DCDC2: variants seen among roughly 807,000 people sequenced by gnomAD.
DCDC2 encodes doublecortin domain containing 2.
In DCDC2, 40 loss-of-function variants were observed where a neutral mutation model predicts 50.2. That is an observed-to-expected ratio of 0.80 (90% confidence interval 0.62 to 1.04). The LOEUF (loss-of-function observed/expected upper bound fraction) is 1.04, where lower values mean the gene tolerates loss of function less well. Among genes scored for constraint, DCDC2 ranks in the 50% least tolerant of loss-of-function variants. The probability of loss-of-function intolerance (pLI) is 0.00; values close to 1 mark genes in which losing one functional copy is unlikely to be tolerated. For missense variants in DCDC2, 570 were observed against 581.9 expected (o/e 0.98, Z 0.21); for synonymous variants, 234 against 210.6 (o/e 1.11, Z -0.96).
intron 7 of DCDC2, among the ~76,000 whole-genome samples, chr6:24,210,956 T>C (rs1330332630): frequency 6.6e-6 from 1 of 152,174 alleles, no homozygotes; most frequent in African/African-American, 2.4e-5. Flanking sequence ...CTTCACAGAG[T>C]CTCTGCCTAA....
At chr6:24,287,677 G>C (rs972645717) in intron 6 of DCDC2, among the ~76,000 whole-genome samples, 1 of 152,194 alleles carries the variant, frequency 6.6e-6, no homozygotes, top group African/African-American at 2.4e-5. Context: ...CCTTGGATCT[G>C]AAGGTCCTCT....
At chr6:24,194,669 C>G (rs912970801) in intron 8 of DCDC2, among the ~76,000 whole-genome samples, 18 of 152,154 alleles carry the variant, frequency 1.2e-4, no homozygotes, top group African/African-American at 3.6e-4. Context: ...TGGAAAAGCA[C>G]CATCATATAA....
At chr6:24,219,549 G>C (rs148003275) in intron 7 of DCDC2, among the ~76,000 whole-genome samples, 1 of 152,274 alleles carries the variant, frequency 6.6e-6, no homozygotes, top group African/African-American at 2.4e-5. Flanking sequence ...TCAGTTTAAC[G>C]GGGTGCAACT....
At chr6:24,264,565 C>T (rs1012797930) in intron 7 of DCDC2, among the ~76,000 whole-genome samples, 1 of 151,642 alleles carries the variant, frequency 6.6e-6, no homozygotes, top group Non-Finnish European at 1.5e-5. Context: ...TTAAAATAAT[C>T]GGTTTTATAA....
intron 7 of DCDC2, among the ~76,000 whole-genome samples, chr6:24,209,920 A>T (rs1303422907): frequency 6.6e-6 from 1 of 152,124 alleles, no homozygotes; most frequent in Non-Finnish European, 1.5e-5. Context: ...ACAGCACCCC[A>T]GAGAGATTAT....
At chr6:24,187,723 G>A (rs1761236058) in intron 8 of DCDC2, among the ~76,000 whole-genome samples, 1 of 152,106 alleles carries the variant, frequency 6.6e-6, no homozygotes, top group Non-Finnish European at 1.5e-5. Context: ...ACACAAATGT[G>A]CCTCCCACAG....
intron 8 of DCDC2, among the ~76,000 whole-genome samples, chr6:24,202,102 A>G (rs1002911647): frequency 4.6e-5 from 7 of 152,164 alleles, no homozygotes; most frequent in Non-Finnish European, 1.0e-4. Flanking sequence ...TCCAAACAAT[A>G]GAAAAAGAAG....
At chr6:24,222,763 G>T (rs887359858) in intron 7 of DCDC2, among the ~76,000 whole-genome samples, 1 of 152,070 alleles carries the variant, frequency 6.6e-6, no homozygotes, top group Non-Finnish European at 1.5e-5. Flanking sequence ...TATAACAATA[G>T]CATATCCATA....
At chr6:24,319,774 T>C (rs1480594586) in intron 2 of DCDC2, among the ~76,000 whole-genome samples, 1 of 152,046 alleles carries the variant, frequency 6.6e-6, no homozygotes, top group Non-Finnish European at 1.5e-5. Context: ...CTACAGAGAA[T>C]GGACAGGAAA....
upstream of DCDC2, among the ~76,000 whole-genome samples, chr6:24,361,188 C>T (rs1760659411): frequency 1.3e-5 from 2 of 152,158 alleles, no homozygotes; most frequent in South Asian, 2.1e-4. Context: ...ACCAAATACC[C>T]GCATGTTCTC....
upstream of DCDC2, among the ~76,000 whole-genome samples, chr6:24,359,139 A>ATTT: frequency 5.6e-5 from 4 of 71,784 alleles, no homozygotes; most frequent in African/African-American, 2.5e-4. Flanking sequence ...TATTTTATAT[A>ATTT]TATTATATAT....
At chr6:24,291,260 T>G (rs1763738104) in intron 4 of DCDC2, among the ~76,000 whole-genome samples, 182 bp from the exon 5 acceptor site, 2 of 152,202 alleles carry the variant, frequency 1.3e-5, no homozygotes, top group African/African-American at 4.8e-5. Context: ...CTCAAAGTTA[T>G]CAGATTCCAC....
intron 7 of DCDC2, among the ~76,000 whole-genome samples, chr6:24,206,121 G>C (rs1761713982): frequency 6.6e-6 from 1 of 152,110 alleles, no homozygotes; most frequent in African/African-American, 2.4e-5. Context: ...TATTGCTAAA[G>C]CTATGAAGTC....
intron 7 of DCDC2, among the ~76,000 whole-genome samples, chr6:24,215,579 G>C (rs1203962839): frequency 6.6e-6 from 1 of 152,146 alleles, no homozygotes; most frequent in East Asian, 1.9e-4. Context: ...AGTGAGACCA[G>C]GCAAGACTGT....
chr6:24,229,127 A>T (rs1303046857), intron 7 of DCDC2, among the ~76,000 whole-genome samples: 1 of 152,186 alleles, frequency 6.6e-6, no homozygotes, highest in African/African-American at 2.4e-5. Flanking sequence ...TGAAAACAAC[A>T]CACATTTATT....
chr6:24,333,299 G>A (rs1230623947), intron 2 of DCDC2, among the ~76,000 whole-genome samples: 1 of 152,094 alleles, frequency 6.6e-6, no homozygotes, highest in African/African-American at 2.4e-5. Context: ...TTGAAAGACG[G>A]TGGCAAGGTC....
intron 7 of DCDC2, among the ~76,000 whole-genome samples, chr6:24,277,381 C>T (rs756122998): frequency 2.0e-5 from 3 of 152,228 alleles, no homozygotes; most frequent in Non-Finnish European, 4.4e-5. Flanking sequence ...ACTCTGAGAA[C>T]ACACTGGGAA....
the DCDC2 span, among the ~76,000 whole-genome samples, chr6:24,369,132 T>G: frequency 2.6e-5 from 1 of 38,208 alleles, no homozygotes; most frequent in African/African-American, 9.8e-5. Context: ...AGACTCTGTC[T>G]CAAAAAAAAA....
chr6:24,237,150 T>A (rs76180410), intron 7 of DCDC2, among the ~76,000 whole-genome samples: 5,368 of 151,554 alleles, frequency 0.035, 201 homozygotes, highest in African/African-American at 0.1. Context: ...ATGAGATAAC[T>A]GTCTCACTCT....
Sources: allele counts gnomAD v4.1 joint callset (sites outside exome capture counted in the v4.1 genomes callset), GRCh38; gene constraint gnomAD v4.1.1; transcripts MANE v1.5; gene names NCBI Gene and HGNC (gene_info 2026-07-23, HGNC 2026-07-21).